The following ADAMTS14 variants were observed in gnomAD, a reference collection of about 807,000 sequenced individuals.
ADAMTS14 encodes ADAM metallopeptidase with thrombospondin type 1 motif 14.
In ADAMTS14, 100 loss-of-function variants were observed where a neutral mutation model predicts 128.6. The observed-to-expected ratio is 0.78, with a 90% CI of 0.66 to 0.92. The LOEUF is 0.92. Ranked by LOEUF, ADAMTS14 falls within the 40% of genes least tolerant of loss-of-function variation. The pLI is 0.00. For synonymous variants in ADAMTS14, 665 were observed against 653.8 expected (o/e 1.02, Z -0.26); for missense variants, 1,562 against 1,658.6 (o/e 0.94, Z 1.01).
intron 2 of ADAMTS14, among the ~76,000 whole-genome samples, chr10:70,679,205 T>C (rs1005538354): frequency 3.3e-5 from 5 of 152,082 alleles, no homozygotes; most frequent in African/African-American, 9.7e-5. Context: ...ATTATAAACA[T>C]GAAAGATAGT....
Position 70,749,812 on chromosome 10 carries a change from C to G in ADAMTS14, c.2264-10C>G, listed in dbSNP as rs376614311. 9 of 1,613,238 alleles carry G rather than the reference C, an allele frequency of 5.6e-6. No individual in the cohort carries two copies. The highest frequency in any genetic ancestry group is 2.2e-5 in the East Asian group (1 of 44,850). On this transcript the variant is annotated splice_polypyrimidine_tract_variant and intron_variant, in intron 15 of 21. Transcript: ENST00000373207. ...AGAAATCTGTGTGACCCTCTCCCCC[C>G]ACCGGTCAGTGGTGAAGAACCAGGT...
In ADAMTS14 at chr10:70,674,323, A is replaced by G. The variant is rs59857371; in HGVS notation, c.83-233A>G. Among the ~76,000 whole-genome samples, 9,425 of 152,186 alleles carry G rather than the reference A, an allele frequency of 0.062. 932 individuals carry two copies. Among genetic ancestry groups the G allele is most frequent in the African/African-American group, 0.21 (8,901 of 41,490 alleles). ...ATTTGCTTTCTTCTGCTAAGTTTAA[A>G]AAGGACCTGGGGGCTACAGGGAGTG... On this transcript the variant is annotated intron_variant, in intron 1 of 21. Transcript: ENST00000373207.
intron 3 of ADAMTS14, among the ~76,000 whole-genome samples, chr10:70,706,886 G>A (rs971071510): frequency 6.6e-6 from 1 of 152,262 alleles, no homozygotes; most frequent in Non-Finnish European, 1.5e-5. Flanking sequence ...GGTCTCTGCA[G>A]AGGTTCCCAT....
intron 15 of ADAMTS14, among the ~76,000 whole-genome samples, chr10:70,746,402 C>A (rs10823610): frequency 0.51 from 78,309 of 152,102 alleles, 20,416 homozygotes; most frequent in East Asian, 0.69. Context: ...AGAATAGATC[C>A]GTGGCTGCCA....
At chr10:70,760,297 G>T in intron 21 of ADAMTS14, 63 bp from the exon 22 acceptor site, 6 of 1,501,492 alleles carry the variant, frequency 4.0e-6, no homozygotes, top group Non-Finnish European at 4.4e-6. Context: ...TGGGAGGGGG[G>T]GCCACCTGAC....
chr10:70,691,917 GCT>G (rs1205507944), intron 2 of ADAMTS14, among the ~76,000 whole-genome samples: 2 of 152,156 alleles, frequency 1.3e-5, no homozygotes, highest in East Asian at 3.9e-4. Flanking sequence ...TGCTGCTATT[GCT>G]CTCTTTATGA....
chr10:70,743,415 C>A, intron 12 of ADAMTS14, 133 bp from the exon 13 acceptor site: 5 of 1,075,034 alleles, frequency 4.7e-6, no homozygotes, highest in Non-Finnish European at 5.0e-6. Flanking sequence ...TTTCAGCCCC[C>A]GTGCCACACC....
Position 70,730,177 on chromosome 10 carries a change from C to A in ADAMTS14, c.1030C>A (p.Arg344Ser), listed in dbSNP as rs143456564. The A allele has an allele frequency of 6.2e-7, 1 of 1,613,802 alleles. No individual in the cohort carries two copies. Among genetic ancestry groups the A allele is most frequent in the Non-Finnish European group, 8.5e-7 (1 of 1,180,012 alleles). ...QVCRWAHSQQ[R>S]QDPSHAEHHD... ...GTGTCGCTGGGCACACTCCCAGCAG[C>A]GCCAGGACCCCAGCCACGCTGAGCA... Residue 344 changes from arginine to serine, a missense_variant, in exon 6 of 22, where the codon CGC (arginine) becomes AGC (serine). By Grantham distance (110) the Arg-to-Ser change is moderately radical. Transcript: ENST00000373207.
At chr10:70,679,633 T>C (rs1020126871) in intron 2 of ADAMTS14, among the ~76,000 whole-genome samples, 14 of 152,230 alleles carry the variant, frequency 9.2e-5, no homozygotes, top group African/African-American at 3.1e-4. Context: ...CCCCAGGCCC[T>C]GGGGCCTGAT....
chr10:70,729,359 C>T lies in ADAMTS14; in HGVS notation c.936C>T (p.Ile312=), dbSNP rs780215705. 7 of 1,613,902 alleles carry T rather than the reference C, an allele frequency of 4.3e-6. No individual in the cohort carries two copies. In the South Asian group the frequency reaches 7.7e-5, roughly 18 times the overall value. Residue 312 remains isoleucine, a synonymous_variant, in exon 5 of 22, where the codon ATC becomes ATT. Transcript: ENST00000373207. ...VHINIALVRL[I]MVGYRQSLSL... ...TAAATATTGCCCTCGTCCGCTTGAT[C>T]ATGGTTGGCTACCGACAGGTAAACC...
At chr10:70,746,169 A>C (rs1842172214) in intron 15 of ADAMTS14, among the ~76,000 whole-genome samples, 1 of 152,190 alleles carries the variant, frequency 6.6e-6, no homozygotes, top group Admixed American at 6.5e-5. Context: ...TTATAATCAT[A>C]CTTAAACACC....
At chr10:70,692,623 A>G (rs1309461610) in intron 2 of ADAMTS14, among the ~76,000 whole-genome samples, 3 of 152,258 alleles carry the variant, frequency 2.0e-5, no homozygotes, top group Non-Finnish European at 4.4e-5. Flanking sequence ...CTTTTGAGAT[A>G]AGGACATCAT....
chr10:70,681,861 G>C (rs1839818413), intron 2 of ADAMTS14, among the ~76,000 whole-genome samples: 1 of 152,250 alleles, frequency 6.6e-6, no homozygotes, highest in African/African-American at 2.4e-5. Context: ...GGGAGGGGCA[G>C]GGGGCACCAG....
At chr10:70,728,899 C>T (rs1175561634) in intron 4 of ADAMTS14, among the ~76,000 whole-genome samples, 13 of 152,302 alleles carry the variant, frequency 8.5e-5, no homozygotes, top group Non-Finnish European at 1.5e-4. Context: ...GCAACTGGAA[C>T]GGTACACAGG....
rs143094163 is a variant in ADAMTS14, at chr10:70,753,572, C to T, written c.2730-228C>T. On this transcript the variant is annotated intron_variant, in intron 18 of 21. Transcript: ENST00000373207. ...TGCAGGGTGCTAGGATTTAAATACACATCATGCCTGTTTTTCAGACGAGAC... is the reference window on the plus strand; with the variant it reads ...TGCAGGGTGCTAGGATTTAAATACATATCATGCCTGTTTTTCAGACGAGAC... 1.1e-3 allele frequency among the ~76,000 whole-genome samples: 174 copies of T among 152,284 alleles called. 1 individual carries two copies. In the Middle Eastern group the frequency reaches 0.02, roughly 18 times the overall value.
chr10:70,716,713 TGGGCTGGC>T (rs1469333437), intron 4 of ADAMTS14, among the ~76,000 whole-genome samples: 3 of 152,210 alleles, frequency 2.0e-5, no homozygotes, highest in Non-Finnish European at 4.4e-5. Context: ...GGGCCAGGTC[TGGGCTGGC>T]GGGACCAGAG....
At position 70,754,154 on chromosome 10, in the gene ADAMTS14, C is replaced by T. The variant is rs150695275; in HGVS notation, c.2937+147C>T. 2.5e-4 allele frequency: 183 copies of T among 740,026 alleles called. 2 individuals carry two copies. The East Asian group carries it at 4.2e-3, about 17-fold the overall frequency. 45.8% of individuals were successfully genotyped at this position (740,026 alleles called of 1,614,324 possible). A position where few individuals can be genotyped will look rare whatever the true frequency, so the allele number is the denominator to read the frequency against. ...TTTCCTTAAAGTAGAATAGCTCCTA[C>T]GTACCCTGGGCCGTGGCTCTGTGCT... On this transcript the variant is annotated intron_variant, in intron 19 of 21. Coordinates refer to ENST00000373207, the MANE Select transcript of ADAMTS14 (RefSeq NM_080722.4).
Position 70,674,560 on chromosome 10 carries a change from G to A in ADAMTS14, c.87G>A (p.Leu29=). The change falls in exon 2 of 22, where the codon CTG becomes CTA. Residue 29 remains leucine (L), a synonymous_variant. Transcript: ENST00000373207. ...CAAAGSRTPE[L]HLSGKLSDYG... ...CTCTTTGTTTACCTCCAACAGAGCT[G>A]CACCTCTCTGGAAAGCTCAGTGACT... The A allele has an allele frequency of 6.2e-7, 1 of 1,609,976 alleles. No homozygotes were observed. The highest frequency in any genetic ancestry group is 8.5e-7 in the Non-Finnish European group (1 of 1,177,038).
At position 70,731,738 on chromosome 10, in the gene ADAMTS14, C is replaced by A. The variant is rs1175476214; in HGVS notation, c.1103-516C>A. On this transcript the variant is annotated intron_variant, in intron 6 of 21. Coordinates refer to ENST00000373207, the MANE Select transcript of ADAMTS14 (RefSeq NM_080722.4). ...TCCCCCGCTGCACCCTGGCTTGCTT[C>A]TTGAATTCTAGCCTTTCTGGCCCAT... Among the ~76,000 whole-genome samples, 3 of 152,330 alleles carry A rather than the reference C, an allele frequency of 2.0e-5. No homozygotes were observed. The East Asian group carries it at 5.8e-4, about 29-fold the overall frequency.
Sources: gnomAD v4.1 joint callset for allele counts (sites outside exome capture counted in the v4.1 genomes callset) on GRCh38, gnomAD v4.1.1 for gene constraint, MANE v1.5 for transcripts, NCBI Gene and HGNC (gene_info 2026-07-23, HGNC 2026-07-21) for gene names.